Variants in ETNK1 observed in about 807,000 individuals in gnomAD.
ETNK1 encodes putative protein product of Nbla10396.
In ETNK1, 8 loss-of-function variants were observed where a neutral mutation model predicts 45.1. The ratio of observed to expected loss-of-function variants is 0.18; its 90% CI spans 0.10 to 0.32. ETNK1 has a LOEUF of 0.32. ETNK1 is among the 10% of genes least tolerant of loss of function. The pLI, the probability that ETNK1 is intolerant of heterozygous loss-of-function variation, is 1.00. For missense variants in ETNK1, 302 were observed against 430.6 expected, an observed-to-expected ratio of 0.70 and a Z score of 2.64; for synonymous variants, 152 against 151.9, an observed-to-expected ratio of 1.00 and a Z score of -0.01.
chr12:22,652,449 G>A (rs983820559), intron 2 of ETNK1, among the ~76,000 whole-genome samples: 1 of 152,150 alleles, frequency 6.6e-6, no homozygotes, highest in Non-Finnish European at 1.5e-5. Flanking sequence ...TTCTGTAATA[G>A]CTGCACCATT....
At chr12:22,639,129 T>C (rs1285259621) in intron 1 of ETNK1, among the ~76,000 whole-genome samples, 1 of 152,224 alleles carries the variant, frequency 6.6e-6, no homozygotes, top group East Asian at 1.9e-4. Context: ...TGACTATTTA[T>C]TGGTGGGGCG....
Position 22,687,025 on chromosome 12 carries a change from C to T in ETNK1, c.*2071C>T, listed in dbSNP as rs536926706. 1.3e-5 allele frequency: 2 copies of T among 151,720 alleles called. No homozygotes were observed. Among genetic ancestry groups the T allele is most frequent in the South Asian group, 2.1e-4 (1 of 4,818 alleles). 9.4% of individuals were successfully genotyped at this position (151,720 alleles called of 1,614,324 possible). On this transcript the variant is annotated 3_prime_UTR_variant, in exon 8 of 8. Coordinates refer to ENST00000266517, the MANE Select transcript of ETNK1 (RefSeq NM_018638.5). ...GCCATTGCTGATAGACTGTGCATAG[C>T]TACTAGCTGTCACACTATTGTAGGT...
At chr12:22,680,614 G>C (rs1954204923) in intron 6 of ETNK1, among the ~76,000 whole-genome samples, 2 of 152,124 alleles carry the variant, frequency 1.3e-5, no homozygotes, top group Admixed American at 1.3e-4. Flanking sequence ...ATTCCTTATG[G>C]ATGTGTCTTA....
chr12:22,645,317 C>T (rs1384679987), intron 2 of ETNK1, among the ~76,000 whole-genome samples: 2 of 151,702 alleles, frequency 1.3e-5, no homozygotes, highest in African/African-American at 4.8e-5. Flanking sequence ...ACATGAGTTT[C>T]CTTGTAACTA....
At chr12:22,674,647 T>G (rs1444967724) in intron 6 of ETNK1, among the ~76,000 whole-genome samples, 1 of 152,228 alleles carries the variant, frequency 6.6e-6, no homozygotes, top group Non-Finnish European at 1.5e-5. Flanking sequence ...ATTAGGTGAT[T>G]TAATGAATTT....
intron 5 of ETNK1, among the ~76,000 whole-genome samples, chr12:22,672,317 GA>G (rs1197840769): frequency 6.6e-6 from 1 of 151,938 alleles, no homozygotes; most frequent in Non-Finnish European, 1.5e-5. Context: ...ACATACCCCA[GA>G]ATGGTTTATA....
intron 2 of ETNK1, among the ~76,000 whole-genome samples, chr12:22,648,196 A>G (rs1191561556): frequency 6.6e-6 from 1 of 151,906 alleles, no homozygotes; most frequent in African/African-American, 2.4e-5. Flanking sequence ...GTTATAATAC[A>G]TAAACCTATA....
chr12:22,686,851 ATTTTTTTTTTTTTTTTT>A lies in ETNK1; in HGVS notation c.*1909_*1925del, dbSNP rs3983448. 1.4e-5 allele frequency: 1 copy of A among 69,262 alleles called. No individual in the cohort carries two copies. Among genetic ancestry groups the A allele is most frequent in the Non-Finnish European group, 2.8e-5 (1 of 36,074 alleles). 4.3% of individuals were successfully genotyped at this position (69,262 alleles called of 1,614,324 possible). A position where few individuals can be genotyped will look rare whatever the true frequency, so the allele number is the denominator to read the frequency against. On this transcript the variant is annotated 3_prime_UTR_variant, in exon 8 of 8. Transcript: ENST00000266517. ...AGATAAAGAATGTGTAATACTCTTA[ATTTTTTTTTTTTTTTTT>A]TTTTTTTTTTTGCTTTCTGCCTTCT...
At chr12:22,635,380 A>T (rs1249546379) in intron 1 of ETNK1, among the ~76,000 whole-genome samples, 1 of 152,208 alleles carries the variant, frequency 6.6e-6, no homozygotes, top group Non-Finnish European at 1.5e-5. Context: ...GAACTTGCTC[A>T]CCATGGGATA....
At chr12:22,625,648 C>A in intron 1 of ETNK1, 62 bp downstream of exon 1, 1 of 1,514,892 alleles carries the variant, frequency 6.6e-7, no homozygotes, top group Non-Finnish European at 8.8e-7. Flanking sequence ...GGGGTCCTCA[C>A]CACAATCGCC....
At chr12:22,663,685 C>T (rs1954028560) in intron 4 of ETNK1, among the ~76,000 whole-genome samples, 1 of 152,082 alleles carries the variant, frequency 6.6e-6, no homozygotes, top group South Asian at 2.1e-4. Context: ...TTGAATTATA[C>T]TTTTGTGTCT....
chr12:22,671,248 T>G, intron 4 of ETNK1, 24 bp from the exon 5 acceptor site: 1 of 1,455,390 alleles, frequency 6.9e-7, no homozygotes, highest in Non-Finnish European at 9.6e-7. Flanking sequence ...TTTCTTAATG[T>G]CTTTGTTTTT....
chr12:22,669,334 TAAAAG>T (rs1053556115), intron 4 of ETNK1, among the ~76,000 whole-genome samples: 2 of 130,394 alleles, frequency 1.5e-5, no homozygotes, highest in African/African-American at 2.7e-5. Context: ...AATAAAAAAA[TAAAAG>T]AAAAAAGTCA....
chr12:22,647,901 C>A (rs1016469204), intron 2 of ETNK1, among the ~76,000 whole-genome samples: 1 of 151,762 alleles, frequency 6.6e-6, no homozygotes, highest in African/African-American at 2.4e-5. Flanking sequence ...TGTAGTAAAA[C>A]CTCGCTTACT....
intron 1 of ETNK1, among the ~76,000 whole-genome samples, chr12:22,639,934 T>C (rs76900129): frequency 0.025 from 3,803 of 152,326 alleles, 64 homozygotes; most frequent in Non-Finnish European, 0.039. Context: ...TAGATAACTT[T>C]CTCTCATTAA....
chr12:22,630,504 A>G (rs573716039), intron 1 of ETNK1, among the ~76,000 whole-genome samples: 1 of 152,230 alleles, frequency 6.6e-6, no homozygotes, highest in Admixed American at 6.5e-5. Flanking sequence ...ATTTCTGAGC[A>G]AGGAAAACTA....
At chr12:22,656,766 A>T (rs910639798) in intron 2 of ETNK1, 1 of 981,602 alleles carries the variant, frequency 1.0e-6, no homozygotes, top group Admixed American at 6.2e-5. Flanking sequence ...TAGAAATGAT[A>T]TTATTTTTCA....
At chr12:22,647,688 T>C (rs1953823850) in intron 2 of ETNK1, among the ~76,000 whole-genome samples, 1 of 151,988 alleles carries the variant, frequency 6.6e-6, no homozygotes, top group Middle Eastern at 3.2e-3. Flanking sequence ...AATGAAATAC[T>C]ATGGGATGGT....
Position 22,673,679 on chromosome 12 carries a change from A to C in ETNK1, c.945+19A>C. On this transcript the variant is annotated intron_variant, in intron 6 of 7. Coordinates refer to ENST00000266517, the MANE Select transcript of ETNK1 (RefSeq NM_018638.5). The stretch of plus-strand genomic sequence containing the variant: ...TGCATTGGTAAGTTTAAATGTACAC[A>C]ATTAATGAAAGGTTCTTACTGTAAT... The C allele has an allele frequency of 6.3e-7, 1 of 1,587,884 alleles. No homozygotes were observed.
Sources: allele counts gnomAD v4.1 joint callset (sites outside exome capture counted in the v4.1 genomes callset), GRCh38; gene constraint gnomAD v4.1.1; transcripts MANE v1.5; gene names NCBI Gene and HGNC (gene_info 2026-07-23, HGNC 2026-07-21).